The following LRRTM4 variants were observed in gnomAD, a reference collection of about 807,000 sequenced individuals.
The protein encoded by LRRTM4 is leucine-rich repeat transmembrane neuronal protein 4.
LRRTM4 carries 25 observed loss-of-function variants against 47.6 expected under a neutral mutation model. The ratio of observed to expected loss-of-function variants is 0.53; its 90% CI spans 0.38 to 0.73. The LOEUF is 0.73. Ranked by LOEUF, LRRTM4 falls within the 30% of genes least tolerant of loss-of-function variation. The pLI is 0.00. For missense variants in LRRTM4, 638 were observed against 713.4 expected (o/e 0.89, Z 1.20); for synonymous variants, 311 against 269.5 (o/e 1.15, Z -1.51).
intron 3 of LRRTM4, among the ~76,000 whole-genome samples, chr2:77,502,068 G>T (rs12105402): frequency 6.6e-6 from 1 of 151,074 alleles, no homozygotes; most frequent in Admixed American, 6.6e-5. Context: ...TGAAAATGTC[G>T]AAAACACTAC....
intron 3 of LRRTM4, among the ~76,000 whole-genome samples, chr2:77,433,804 AG>A (rs1438585878): frequency 3.3e-5 from 5 of 152,314 alleles, no homozygotes; most frequent in South Asian, 2.1e-4. Context: ...CAGAATGAGT[AG>A]ATAAGGCTCT....
At chr2:77,068,013 G>A (rs545384724) in intron 3 of LRRTM4, among the ~76,000 whole-genome samples, 4 of 151,972 alleles carry the variant, frequency 2.6e-5, no homozygotes, top group African/African-American at 9.6e-5. Flanking sequence ...GAGGATAAAG[G>A]AATATATTAA....
At position 76,974,880 on chromosome 2, in the gene LRRTM4, T is replaced by C. The variant is rs1160694308; in HGVS notation, c.1552-225964A>G. Among the ~76,000 whole-genome samples the C allele has an allele frequency of 3.9e-5, 6 of 151,914 alleles. No homozygotes were observed. The South Asian group carries it at 8.3e-4, about 21-fold the overall frequency. ...AGGAAATCACATGGAGAAATAATTATGCACAACAGTAATCATCTTGGCATG... is the reference window on the plus strand; with the variant it reads ...AGGAAATCACATGGAGAAATAATTACGCACAACAGTAATCATCTTGGCATG... On this transcript the variant is annotated intron_variant, in intron 3 of 3. Coordinates refer to ENST00000409884, the MANE Select transcript of LRRTM4 (RefSeq NM_001134745.3).
chr2:76,921,223 C>T (rs1203452989), intron 3 of LRRTM4, among the ~76,000 whole-genome samples: 2 of 152,016 alleles, frequency 1.3e-5, no homozygotes, highest in Non-Finnish European at 2.9e-5. Flanking sequence ...TTTTAAGGAG[C>T]ACTGGTCAAG....
chr2:76,797,490 G>T (rs886086569), intron 3 of LRRTM4, among the ~76,000 whole-genome samples: 1 of 151,874 alleles, frequency 6.6e-6, no homozygotes, highest in East Asian at 1.9e-4. Context: ...AGGAACAACC[G>T]GTATCAGCTG....
At chr2:77,290,037 T>A (rs1676777460) in intron 3 of LRRTM4, among the ~76,000 whole-genome samples, 1 of 151,984 alleles carries the variant, frequency 6.6e-6, no homozygotes, top group Non-Finnish European at 1.5e-5. Flanking sequence ...TAATACTTTA[T>A]AAGCAATCAA....
chr2:77,306,963 G>A (rs1186062031), intron 3 of LRRTM4, among the ~76,000 whole-genome samples: 5 of 139,908 alleles, frequency 3.6e-5, no homozygotes, highest in African/African-American at 5.7e-5. Context: ...GCAGTGGCGC[G>A]ATCTCGGCTC....
chr2:76,787,649 TTGTGGTTC>T (rs1211135880), intron 3 of LRRTM4, among the ~76,000 whole-genome samples: 1 of 152,058 alleles, frequency 6.6e-6, no homozygotes, highest in African/African-American at 2.4e-5. Flanking sequence ...AGGGAAAACT[TTGTGGTTC>T]AGTGGGGAGT....
intron 3 of LRRTM4, among the ~76,000 whole-genome samples, chr2:77,200,636 A>C (rs182609804): frequency 6.6e-6 from 1 of 152,238 alleles, no homozygotes; most frequent in Admixed American, 6.5e-5. Context: ...AATGTTCAGT[A>C]AAATATAATC....
chr2:77,266,756 G>C (rs879733718), intron 3 of LRRTM4, among the ~76,000 whole-genome samples: 1 of 152,100 alleles, frequency 6.6e-6, no homozygotes, highest in African/African-American at 2.4e-5. Flanking sequence ...CAGAACTGTT[G>C]GGGCTTCAGA....
intron 3 of LRRTM4, among the ~76,000 whole-genome samples, chr2:76,972,547 A>C (rs1300986191): frequency 6.7e-6 from 1 of 150,016 alleles, no homozygotes. Context: ...CCTCCTGAGT[A>C]GCTGGGACTA....
At chr2:76,984,802 A>G (rs1676735717) in intron 3 of LRRTM4, among the ~76,000 whole-genome samples, 1 of 152,074 alleles carries the variant, frequency 6.6e-6, no homozygotes, top group Non-Finnish European at 1.5e-5. Flanking sequence ...TATTTACTGC[A>G]GTTCAAAGCA....
intron 3 of LRRTM4, among the ~76,000 whole-genome samples, chr2:77,342,898 A>T (rs556871522): frequency 1.5e-4 from 23 of 152,032 alleles, no homozygotes; most frequent in African/African-American, 5.1e-4. Context: ...TCCTGAGACT[A>T]AGTAGATTAT....
At chr2:76,909,116 A>T (rs1377551522) in intron 3 of LRRTM4, among the ~76,000 whole-genome samples, 1 of 152,206 alleles carries the variant, frequency 6.6e-6, no homozygotes, top group South Asian at 2.1e-4. Flanking sequence ...ACAGTAACCA[A>T]AACAGCATGG....
At chr2:77,052,703 C>T (rs1867891) in intron 3 of LRRTM4, among the ~76,000 whole-genome samples, 12,569 of 149,658 alleles carry the variant, frequency 0.084, 718 homozygotes, top group East Asian at 0.27. Context: ...ATTACAAGAA[C>T]GTGTTTGTGT....
At chr2:77,235,619 G>A (rs1424412216) in intron 3 of LRRTM4, among the ~76,000 whole-genome samples, 3 of 152,098 alleles carry the variant, frequency 2.0e-5, no homozygotes. Flanking sequence ...TGTTTCTTGG[G>A]TTTTGTTCTG....
At chr2:77,502,587 AT>A (rs1175114517) in intron 3 of LRRTM4, among the ~76,000 whole-genome samples, 1 of 151,700 alleles carries the variant, frequency 6.6e-6, no homozygotes, top group Non-Finnish European at 1.5e-5. Context: ...TTCAGTAAGT[AT>A]TTATTGAGCT....
chr2:77,502,957 C>T (rs898908134), intron 3 of LRRTM4, among the ~76,000 whole-genome samples: 7 of 150,640 alleles, frequency 4.6e-5, no homozygotes, highest in African/African-American at 1.5e-4. Flanking sequence ...AAGCCAGTGC[C>T]GAGAGTAGAG....
chr2:77,090,745 A>G (rs1361056073), intron 3 of LRRTM4, among the ~76,000 whole-genome samples: 1 of 152,152 alleles, frequency 6.6e-6, no homozygotes, highest in Non-Finnish European at 1.5e-5. Context: ...CCCACTGGAA[A>G]TCGGACTGTT....
Sources: allele counts gnomAD v4.1 joint callset (sites outside exome capture counted in the v4.1 genomes callset), GRCh38; gene constraint gnomAD v4.1.1; transcripts MANE v1.5; gene names NCBI Gene and HGNC (gene_info 2026-07-23, HGNC 2026-07-21).